ADAM10: variants seen among roughly 807,000 people sequenced by gnomAD.
ADAM10 encodes disintegrin and metalloproteinase domain-containing protein 10.
Under a neutral mutation model 90.1 loss-of-function variants are expected in ADAM10, and 17 were observed. The observed-to-expected ratio is 0.19, with a 90% CI of 0.13 to 0.28. The LOEUF (loss-of-function observed/expected upper bound fraction) is 0.28. Among genes scored for constraint, ADAM10 ranks in the 10% least tolerant of loss-of-function variants. The pLI is 1.00. For missense variants in ADAM10, 610 were observed against 914.3 expected (o/e 0.67, Z 4.29); for synonymous variants, 310 against 298.6 (o/e 1.04, Z -0.40).
chr15:58,680,118 G>GTGTTT (rs1417628857), intron 3 of ADAM10, among the ~76,000 whole-genome samples: 64 of 152,066 alleles, frequency 4.2e-4, no homozygotes, highest in African/African-American at 1.4e-3. Flanking sequence ...GGTTTGTTTT[G>GTGTTT]TGTTTTGTTT....
chr15:58,620,023 C>T (rs1300208346), intron 11 of ADAM10, among the ~76,000 whole-genome samples: 1 of 151,892 alleles, frequency 6.6e-6, no homozygotes, highest in Non-Finnish European at 1.5e-5. Context: ...CCCTGTTCAC[C>T]TTTAGGAAAA....
intron 2 of ADAM10, 100 bp from the exon 3 acceptor site, chr15:58,682,414 T>C: frequency 6.7e-7 from 1 of 1,488,708 alleles, no homozygotes; most frequent in Non-Finnish European, 8.9e-7. Context: ...TGTGGACTGT[T>C]ATGAAATTTG....
chr15:58,719,072 C>G (rs1898759582), intron 1 of ADAM10, among the ~76,000 whole-genome samples: 1 of 152,176 alleles, frequency 6.6e-6, no homozygotes, highest in African/African-American at 2.4e-5. Flanking sequence ...GCCTGTAATC[C>G]GAGCACTTTG....
chr15:58,685,693 G>C (rs1481527574), intron 2 of ADAM10, among the ~76,000 whole-genome samples: 1 of 151,186 alleles, frequency 6.6e-6, no homozygotes, highest in Non-Finnish European at 1.5e-5. Context: ...TAGTAACAAT[G>C]GTTGTCCCCA....
chr15:58,601,770 G>A (rs1460345149), intron 14 of ADAM10, among the ~76,000 whole-genome samples: 2 of 152,154 alleles, frequency 1.3e-5, no homozygotes, highest in East Asian at 3.8e-4. Context: ...AAATTCCAGT[G>A]TTTCCTTGGC....
chr15:58,613,549 A>G (rs2081703), intron 11 of ADAM10, among the ~76,000 whole-genome samples: 32,064 of 152,110 alleles, frequency 0.21, 3,745 homozygotes, highest in East Asian at 0.53. Flanking sequence ...AAAAAATTCA[A>G]TGAAACTAGG....
At chr15:58,720,595 G>A (rs1472767506) in intron 1 of ADAM10, among the ~76,000 whole-genome samples, 1 of 150,058 alleles carries the variant, frequency 6.7e-6, no homozygotes, top group Non-Finnish European at 1.5e-5. Flanking sequence ...TAGAGACGGG[G>A]TTTCACCATG....
rs1394630163 is a variant in ADAM10, at chr15:58,589,821, C to T, written c.*7726G>A. Reference sequence around the variant, plus strand: ...TCCTAAATTTATGATAGTCATGATACAGACGCCCAGGTCTGAAAAGCGAAG... The same window carrying T: ...TCCTAAATTTATGATAGTCATGATATAGACGCCCAGGTCTGAAAAGCGAAG... On this transcript the variant is annotated 3_prime_UTR_variant, in exon 16 of 16. Transcript: ENST00000260408. The T allele has an allele frequency of 6.6e-6, 1 of 152,144 alleles. No individual in the cohort carries two copies. Among genetic ancestry groups the T allele is most frequent in the Non-Finnish European group, 1.5e-5 (1 of 68,030 alleles). 9.4% of individuals were successfully genotyped at this position (152,144 alleles called of 1,614,324 possible). A position where few individuals can be genotyped will look rare whatever the true frequency, so the allele number is the denominator to read the frequency against.
At chr15:58,711,144 T>C (rs1181175307) in intron 2 of ADAM10, among the ~76,000 whole-genome samples, 3 of 152,194 alleles carry the variant, frequency 2.0e-5, no homozygotes, top group Non-Finnish European at 2.9e-5. Flanking sequence ...AATTACCTTG[T>C]CAATTCAGAA....
At chr15:58,660,491 T>TA (rs760835553) in intron 5 of ADAM10, among the ~76,000 whole-genome samples, 27 of 152,000 alleles carry the variant, frequency 1.8e-4, no homozygotes, top group Non-Finnish European at 3.1e-4. Context: ...TTTTTTTAAT[T>TA]AAAAAAAATT....
intron 1 of ADAM10, chr15:58,748,448 A>G (rs1189098792): frequency 6.6e-6 from 1 of 152,614 alleles, no homozygotes; most frequent in East Asian, 1.9e-4. Flanking sequence ...CCTAAAATAA[A>G]GCACTTTAAG....
intron 2 of ADAM10, among the ~76,000 whole-genome samples, chr15:58,714,705 C>T (rs1269550638): frequency 1.3e-5 from 2 of 151,758 alleles, no homozygotes; most frequent in African/African-American, 4.8e-5. Flanking sequence ...AAAAATAAAA[C>T]ATATTCGTAT....
chr15:58,652,541 C>G (rs1896715109), intron 5 of ADAM10, among the ~76,000 whole-genome samples: 2 of 151,996 alleles, frequency 1.3e-5, no homozygotes, highest in Non-Finnish European at 2.9e-5. Context: ...GTAAAAAATG[C>G]ACTGTAGGTG....
chr15:58,680,519 T>C (rs186772091), intron 3 of ADAM10, among the ~76,000 whole-genome samples: 4 of 152,342 alleles, frequency 2.6e-5, no homozygotes, highest in East Asian at 1.9e-4. Context: ...GGACAAAGAT[T>C]TGTAATACTA....
At position 58,636,248 on chromosome 15, in the gene ADAM10, G is replaced by C. The variant is rs943220413; in HGVS notation, c.1013-2889C>G. 8.6e-5 allele frequency among the ~76,000 whole-genome samples: 13 copies of C among 150,588 alleles called. No homozygotes were observed. The East Asian group carries it at 2.1e-3, about 25-fold the overall frequency. ...GCAGAGATCATGCCACTGCACTCCAGCCTGAGCAACAGAGCGAGACTTCGT... is the reference window on the plus strand; with the variant it reads ...GCAGAGATCATGCCACTGCACTCCACCCTGAGCAACAGAGCGAGACTTCGT... On this transcript the variant is annotated intron_variant, in intron 8 of 15. Coordinates refer to ENST00000260408, the MANE Select transcript of ADAM10 (RefSeq NM_001110.4).
chr15:58,650,008 A>G (rs1461699244), intron 5 of ADAM10, among the ~76,000 whole-genome samples: 1 of 152,120 alleles, frequency 6.6e-6, no homozygotes, highest in Non-Finnish European at 1.5e-5. Context: ...TTCTTATACT[A>G]TCCAAATCTA....
intron 3 of ADAM10, among the ~76,000 whole-genome samples, chr15:58,680,987 G>A (rs1396424445): frequency 1.3e-5 from 2 of 151,928 alleles, no homozygotes; most frequent in Admixed American, 6.6e-5. Context: ...AAATTTTTAT[G>A]TTTTTTAGAG....
At chr15:58,637,928 T>C (rs1227273801) in intron 8 of ADAM10, among the ~76,000 whole-genome samples, 1 of 151,910 alleles carries the variant, frequency 6.6e-6, no homozygotes, top group Non-Finnish European at 1.5e-5. Context: ...ATATATAACA[T>C]TCCTTGTTTT....
intron 1 of ADAM10, among the ~76,000 whole-genome samples, chr15:58,722,682 C>T (rs1462770043): frequency 6.6e-6 from 1 of 150,978 alleles, no homozygotes; most frequent in Non-Finnish European, 1.5e-5. Flanking sequence ...GGAGTATTTA[C>T]ACCACCATGG....
Sources: allele counts gnomAD v4.1 joint callset (sites outside exome capture counted in the v4.1 genomes callset), GRCh38; gene constraint gnomAD v4.1.1; transcripts MANE v1.5; gene names NCBI Gene and HGNC (gene_info 2026-07-23, HGNC 2026-07-21).